Variants in ALPK2 observed in about 807,000 individuals in gnomAD.
ALPK2 encodes the protein alpha kinase 2, also known as alpha-protein kinase 2.
A neutral mutation model predicts 163.1 loss-of-function variants in ALPK2; 127 were observed. The observed-to-expected ratio is 0.78, with a 90% CI of 0.67 to 0.90. The LOEUF (loss-of-function observed/expected upper bound fraction) is 0.90, where lower values mean the gene tolerates loss of function less well. Among genes scored for constraint, ALPK2 ranks in the 40% least tolerant of loss-of-function variants. The pLI is 0.00. For missense variants in ALPK2, 2,360 were observed against 2,589.6 expected (o/e 0.91, Z 1.92); for synonymous variants, 953 against 959.1 (o/e 0.99, Z 0.12).
At chr18:58,569,923 G>A (rs1214799926) in intron 4 of ALPK2, among the ~76,000 whole-genome samples, 1 of 151,948 alleles carries the variant, frequency 6.6e-6, no homozygotes, top group Admixed American at 6.6e-5. Context: ...AATGTCAGGA[G>A]GTCAAGACCG....
chr18:58,587,820 A>T (rs1240106301), intron 3 of ALPK2, among the ~76,000 whole-genome samples: 1 of 152,202 alleles, frequency 6.6e-6, no homozygotes, highest in African/African-American at 2.4e-5. Flanking sequence ...AACAGAAGGA[A>T]TATTGGAAAA....
intron 4 of ALPK2, 67 bp downstream of exon 4, chr18:58,578,733 GACACACACACACAC>G (rs71173065): frequency 3.4e-5 from 18 of 533,382 alleles, no homozygotes; most frequent in Admixed American, 2.7e-4. Flanking sequence ...TAAAGGAAGA[GACACACACACACAC>G]ACACACACAC....
intron 2 of ALPK2, among the ~76,000 whole-genome samples, chr18:58,610,680 G>A (rs983261940): frequency 2.6e-5 from 4 of 152,142 alleles, no homozygotes; most frequent in East Asian, 1.9e-4. Flanking sequence ...GGTGGCTCAC[G>A]CCTGTAATTC....
chr18:58,504,039 C>T lies in ALPK2; in HGVS notation c.6139G>A (p.Glu2047Lys), dbSNP rs776201287. The T allele has an allele frequency of 2.2e-5, 35 of 1,614,112 alleles. No individual in the cohort carries two copies. Among genetic ancestry groups the T allele is most frequent in the Non-Finnish European group, 2.7e-5 (32 of 1,180,036 alleles). ...FVKYSIRDGK[E>K]INFLRRESEA... ...GATTCTCTTCTCAAGAAGTTTATTT[C>T]TTTCCCATCCCTGATGGAATACTTC... is the stretch of plus-strand genomic sequence containing the variant. The change falls in exon 11 of 13, where the codon GAA becomes AAA. Residue 2047 changes from glutamate to lysine, a missense_variant. Physicochemically the swap from Glu to Lys is moderately conservative, Grantham distance 56 (BLOSUM62 1). Transcript: ENST00000361673.
At chr18:58,495,898 C>A (rs951107810) in intron 12 of ALPK2, among the ~76,000 whole-genome samples, 4 of 152,114 alleles carry the variant, frequency 2.6e-5, no homozygotes, top group Non-Finnish European at 5.9e-5. Flanking sequence ...GCTGGTATGA[C>A]GAGAAGCCAG....
At chr18:58,544,266 T>C (rs575589583) in intron 4 of ALPK2, 1 of 152,378 alleles carries the variant, frequency 6.6e-6, no homozygotes, top group East Asian at 1.9e-4. Context: ...AACATGCCTC[T>C]GATTCCACAA....
At chr18:58,528,439 G>A (rs960493179) in intron 6 of ALPK2, among the ~76,000 whole-genome samples, 3 of 152,182 alleles carry the variant, frequency 2.0e-5, no homozygotes, top group African/African-American at 7.2e-5. Context: ...GGGAGGCTGA[G>A]GTGGGAGGAT....
chr18:58,627,100 A>G (rs906141523), intron 1 of ALPK2, among the ~76,000 whole-genome samples: 2 of 152,216 alleles, frequency 1.3e-5, no homozygotes, highest in African/African-American at 4.8e-5. Context: ...TCTGACTCCA[A>G]AGCCTTTCTC....
At chr18:58,573,298 ATGTGTGTATATATATG>A (rs2051897690) in intron 4 of ALPK2, among the ~76,000 whole-genome samples, 1 of 144,052 alleles carries the variant, frequency 6.9e-6, no homozygotes, top group Admixed American at 6.9e-5. Context: ...ATATGTATAT[ATGTGTGTATATATATG>A]TGTGTATATA....
intron 12 of ALPK2, among the ~76,000 whole-genome samples, chr18:58,486,484 C>T (rs1248163343): frequency 2.0e-5 from 3 of 152,136 alleles, no homozygotes; most frequent in African/African-American, 2.4e-5. Context: ...GCTTTATGCC[C>T]AGAACGCCTG....
chr18:58,537,257 CTGGCTGGTG>C lies in ALPK2; in HGVS notation c.2921_2929del (p.Thr974_Ala976del), dbSNP rs766366827. 1.2e-5 allele frequency: 19 copies of C among 1,614,072 alleles called. No individual in the cohort carries two copies. The African/African-American group carries it at 1.5e-4, about 12-fold the overall frequency. On this transcript the variant is annotated inframe_deletion, in exon 5 of 13. Coordinates refer to ENST00000361673, the MANE Select transcript of ALPK2 (RefSeq NM_052947.4). Reference sequence around the variant, plus strand: ...AGGAAAACTCACAATTGAACTATAACTGGCTGGTGTGGCTGTGGTGTCTGCGGCACTAGG... The same window carrying C: ...AGGAAAACTCACAATTGAACTATAACTGGCTGTGGTGTCTGCGGCACTAGG...
intron 1 of ALPK2, among the ~76,000 whole-genome samples, chr18:58,627,792 A>G (rs931334372): frequency 5.9e-5 from 9 of 152,222 alleles, no homozygotes; most frequent in Non-Finnish European, 8.8e-5. Context: ...TTCGGAAGGT[A>G]ACCCACAACA....
chr18:58,622,085 T>G (rs1267714662), intron 1 of ALPK2, among the ~76,000 whole-genome samples: 2 of 150,580 alleles, frequency 1.3e-5, no homozygotes, highest in African/African-American at 4.9e-5. Context: ...AGTGGCTCAC[T>G]CCTGTAATCC....
intron 1 of ALPK2, among the ~76,000 whole-genome samples, chr18:58,624,597 G>C (rs991769905): frequency 6.6e-6 from 1 of 152,154 alleles, no homozygotes; most frequent in Non-Finnish European, 1.5e-5. Flanking sequence ...TGGGATTACA[G>C]GCGTGTGCCA....
At chr18:58,500,364 A>G (rs1218956847) in intron 11 of ALPK2, among the ~76,000 whole-genome samples, 1 of 152,212 alleles carries the variant, frequency 6.6e-6, no homozygotes, top group East Asian at 1.9e-4. Flanking sequence ...GTCATTTGGC[A>G]AAAGGTCCTT....
intron 6 of ALPK2, among the ~76,000 whole-genome samples, chr18:58,527,762 C>T (rs1434349907): frequency 1.3e-5 from 2 of 152,142 alleles, no homozygotes; most frequent in Non-Finnish European, 2.9e-5. Flanking sequence ...CTAAGACAGG[C>T]AGGGTAATGG....
intron 4 of ALPK2, among the ~76,000 whole-genome samples, chr18:58,543,784 A>G (rs2051703671): frequency 6.6e-6 from 1 of 152,216 alleles, no homozygotes; most frequent in South Asian, 2.1e-4. Context: ...ATGTTTGGGG[A>G]TGAGAAGTCT....
rs1016693246 is a variant in ALPK2 at position 58,620,240 on chromosome 18, G to A, written c.-20-8423C>T. Among the ~76,000 whole-genome samples the A allele has an allele frequency of 5.9e-5, 9 of 152,122 alleles. No individual in the cohort carries two copies. The East Asian group carries it at 1.5e-3, about 26-fold the overall frequency. On this transcript the variant is annotated intron_variant, in intron 1 of 12. Transcript: ENST00000361673. ...CGGGAGGTGGAGGTGGCAGAGAGCC[G>A]AGATCACGCCATTGCACTCCAGCTT... is the stretch of plus-strand genomic sequence containing the variant.
intron 8 of ALPK2, among the ~76,000 whole-genome samples, chr18:58,518,085 T>A (rs1049334119): frequency 1.3e-5 from 2 of 152,162 alleles, no homozygotes; most frequent in African/African-American, 4.8e-5. Flanking sequence ...AATAAGATTG[T>A]TTGGATTTTT....
Sources: allele counts gnomAD v4.1 joint callset (sites outside exome capture counted in the v4.1 genomes callset), GRCh38; gene constraint gnomAD v4.1.1; transcripts MANE v1.5; gene names NCBI Gene and HGNC (gene_info 2026-07-23, HGNC 2026-07-21).